The following ZFYVE1 variants were observed in gnomAD, a reference collection of about 807,000 sequenced individuals.
ZFYVE1 encodes the protein zinc finger FYVE domain-containing protein 1.
ZFYVE1 carries 30 observed loss-of-function variants against 74.4 expected under a neutral mutation model. The ratio of observed to expected loss-of-function variants is 0.40; its 90% confidence interval spans 0.30 to 0.55. The LOEUF (loss-of-function observed/expected upper bound fraction) is 0.55. Among genes scored for constraint, ZFYVE1 ranks in the 20% least tolerant of loss-of-function variants. ZFYVE1 has a pLI of 0.42. For synonymous variants in ZFYVE1, 335 were observed against 385.1 expected (o/e 0.87, Z 1.52); for missense variants, 703 against 1,011.6 (o/e 0.69, Z 4.14).
intron 2 of ZFYVE1, among the ~76,000 whole-genome samples, chr14:73,016,810 G>A: frequency 6.6e-6 from 1 of 150,742 alleles, no homozygotes; most frequent in Non-Finnish European, 1.5e-5. Context: ...GGAGTCAGAG[G>A]CTGCAGTGAA....
chr14:72,980,236 A>G (rs1893285437), intron 5 of ZFYVE1, among the ~76,000 whole-genome samples: 1 of 152,334 alleles, frequency 6.6e-6, no homozygotes, highest in South Asian at 2.1e-4. Context: ...GGTGGCCTAC[A>G]GGACTCAAAG....
At chr14:73,022,415 C>G (rs913690572) in intron 2 of ZFYVE1, among the ~76,000 whole-genome samples, 6 of 152,090 alleles carry the variant, frequency 3.9e-5, no homozygotes, top group Non-Finnish European at 8.8e-5. Flanking sequence ...AAACTGGAAA[C>G]CTAAGGAGTC....
Position 72,975,818 on chromosome 14 carries a change from A to C in ZFYVE1, c.1636-97T>G. The C allele has an allele frequency of 1.4e-6, 2 of 1,380,348 alleles. No homozygotes were observed. The highest frequency in any genetic ancestry group is 2.0e-6 in the Non-Finnish European group (2 of 1,002,404). 85.5% of individuals were successfully genotyped at this position (1,380,348 alleles called of 1,614,324 possible). A position where few individuals can be genotyped will look rare whatever the true frequency, so the allele number is the denominator to read the frequency against. ...GTGAGTTGCACACTCACCGTGGCCA[A>C]CTCAGAACCACTAACTCCCTGGCAG... On this transcript the variant is annotated intron_variant, in intron 8 of 11. Coordinates refer to ENST00000556143, the MANE Select transcript of ZFYVE1 (RefSeq NM_021260.4). The surrounding 1 kb of genome is among the most constrained non-coding windows in gnomAD (Gnocchi z 4.1).
intron 3 of ZFYVE1, among the ~76,000 whole-genome samples, chr14:72,995,244 A>G (rs1052153648): frequency 6.6e-6 from 1 of 151,966 alleles, no homozygotes; most frequent in African/African-American, 2.4e-5. Context: ...ACAGGTGCCC[A>G]CCACCATACA....
chr14:73,001,029 G>A (rs1259927350), intron 2 of ZFYVE1, among the ~76,000 whole-genome samples: 1 of 152,202 alleles, frequency 6.6e-6, no homozygotes, highest in Non-Finnish European at 1.5e-5. Context: ...TTTCTGTCAT[G>A]ACTGTGCCAC....
chr14:73,012,922 G>T (rs1348650999), intron 2 of ZFYVE1, among the ~76,000 whole-genome samples: 3 of 151,908 alleles, frequency 2.0e-5, no homozygotes, highest in Non-Finnish European at 4.4e-5. Flanking sequence ...AGACAGAAGG[G>T]ATTGAGCTAG....
intron 5 of ZFYVE1, among the ~76,000 whole-genome samples, chr14:72,981,144 T>G (rs1307564588): frequency 6.6e-6 from 1 of 152,198 alleles, no homozygotes; most frequent in Non-Finnish European, 1.5e-5. Context: ...AATTGAAGTT[T>G]CGGAAGCACT....
intron 3 of ZFYVE1, among the ~76,000 whole-genome samples, chr14:72,995,285 C>G (rs1179265609): frequency 1.3e-5 from 2 of 152,100 alleles, no homozygotes; most frequent in Non-Finnish European, 2.9e-5. Flanking sequence ...TTAGTAGAGA[C>G]AGGGTTTCAC....
chr14:72,998,781 T>C (rs1248172940), intron 2 of ZFYVE1, among the ~76,000 whole-genome samples: 1 of 150,928 alleles, frequency 6.6e-6, no homozygotes, highest in Non-Finnish European at 1.5e-5. Flanking sequence ...AGCCCAGAAG[T>C]TTGAGGCTGC....
chr14:72,978,250 C>T lies in ZFYVE1; in HGVS notation c.1420-16G>A, dbSNP rs757367775. ...CATAGCAGGCCTGAAACAGGAAACA[C>T]TCTGCTAGCTTATTGTTTGTTTTTT... On this transcript the variant is annotated splice_polypyrimidine_tract_variant and intron_variant, in intron 6 of 11. Transcript: ENST00000556143. The T allele has an allele frequency of 1.2e-6, 2 of 1,610,744 alleles. No individual in the cohort carries two copies. Among genetic ancestry groups the T allele is most frequent in the Non-Finnish European group, 1.7e-6 (2 of 1,177,286 alleles).
chr14:72,972,524 C>G (rs1167939904), intron 11 of ZFYVE1, among the ~76,000 whole-genome samples: 3 of 152,188 alleles, frequency 2.0e-5, no homozygotes, highest in Non-Finnish European at 4.4e-5. Flanking sequence ...ATGAGGAAAT[C>G]TGCTCCAGGC....
At chr14:73,025,308 A>ATCCC (rs1319639120) in intron 1 of ZFYVE1, among the ~76,000 whole-genome samples, 1 of 151,814 alleles carries the variant, frequency 6.6e-6, no homozygotes, top group Non-Finnish European at 1.5e-5. Flanking sequence ...ACCCCAGGTG[A>ATCCC]TCTGCCCGCC....
chr14:73,011,585 T>C (rs1894092606), intron 2 of ZFYVE1, among the ~76,000 whole-genome samples: 2 of 151,752 alleles, frequency 1.3e-5, no homozygotes, highest in African/African-American at 4.8e-5. Flanking sequence ...AGTGGCATGA[T>C]CTTGGCTCAC....
In ZFYVE1 at chr14:72,998,328, A is replaced by AAC. The variant is rs1291802579; in HGVS notation, c.484-14_484-13insGT. The AAC allele has an allele frequency of 6.6e-7, 1 of 1,509,610 alleles. No individual in the cohort carries two copies. Among genetic ancestry groups the AAC allele is most frequent in the African/African-American group, 1.4e-5 (1 of 71,642 alleles). The allele number at this position is 1,509,610 out of a possible 1,614,324, so 93.5% of individuals were successfully genotyped here. A position where few individuals can be genotyped will look rare whatever the true frequency, so the allele number is the denominator to read the frequency against. ...CTTCATTTGTTACCTGCAAAAAAAA[A>AAC]AAAAAAGACCATGAAATACAGAAAC... is the stretch of plus-strand genomic sequence containing the variant. On this transcript the variant is annotated splice_polypyrimidine_tract_variant and intron_variant, in intron 2 of 11. Transcript: ENST00000556143.
At chr14:72,992,319 A>G (rs990156890) in intron 4 of ZFYVE1, among the ~76,000 whole-genome samples, 3 of 152,172 alleles carry the variant, frequency 2.0e-5, no homozygotes, top group African/African-American at 7.2e-5. Flanking sequence ...GAGAGGCAGT[A>G]CAGGCTTTGT....
Position 72,975,949 on chromosome 14 carries a change from A to C in ZFYVE1, c.1636-228T>G. The C allele has an allele frequency of 2.0e-6, 1 of 491,640 alleles. No homozygotes were observed. The highest frequency in any genetic ancestry group is 3.5e-6 in the Non-Finnish European group (1 of 283,178). The allele number at this position is 491,640 out of a possible 1,614,324, so 30.5% of individuals were successfully genotyped here. A position where few individuals can be genotyped will look rare whatever the true frequency, so the allele number is the denominator to read the frequency against. On this transcript the variant is annotated intron_variant, in intron 8 of 11. Transcript: ENST00000556143. This position sits in a 1 kb window ranked among gnomAD's most constrained non-coding sequence, Gnocchi z 4.1. Reference sequence around the variant, plus strand: ...ATTCAGGACTTACTAAGCCCATATAATACAGGAGATGACACCTCCTCCAGG... The same window carrying C: ...ATTCAGGACTTACTAAGCCCATATACTACAGGAGATGACACCTCCTCCAGG...
At position 72,988,571 on chromosome 14, in the gene ZFYVE1, C is replaced by T. The variant is rs191242249; in HGVS notation, c.1203+4572G>A. 5.3e-3 allele frequency among the ~76,000 whole-genome samples: 794 copies of T among 150,868 alleles called. 8 individuals carry two copies. Among genetic ancestry groups the T allele is most frequent in the South Asian group, 0.016 (73 of 4,666 alleles). On this transcript the variant is annotated intron_variant, in intron 4 of 11. Transcript: ENST00000556143. ...CCTGTAATCCCAACATTTTGGGAGG[C>T]GGAGGTGGGCGGGTCACCTGAGGTC... is the stretch of plus-strand genomic sequence containing the variant.
rs1892984340 is a variant in ZFYVE1, at chr14:72,969,843, A to G, written c.*1039T>C. On this transcript the variant is annotated 3_prime_UTR_variant, in exon 12 of 12. Transcript: ENST00000556143. ...TTCTTTACGATCTGTTGAAATATTT[A>G]TATAGACTTTTAAAAACAACTAACA... 1.5e-6 allele frequency: 1 copy of G among 659,372 alleles called. No homozygotes were observed. Among genetic ancestry groups the G allele is most frequent in the South Asian group, 1.7e-5 (1 of 59,656 alleles). The allele number at this position is 659,372 out of a possible 1,614,324, so 40.8% of individuals were successfully genotyped here.
At chr14:73,008,191 CT>C (rs1894019827) in intron 2 of ZFYVE1, among the ~76,000 whole-genome samples, 2 of 152,180 alleles carry the variant, frequency 1.3e-5, no homozygotes, top group Admixed American at 6.5e-5. Flanking sequence ...CGGAGTTTCA[CT>C]CTTGTTGCCC....
Sources: allele counts gnomAD v4.1 joint callset (sites outside exome capture counted in the v4.1 genomes callset), GRCh38; gene constraint gnomAD v4.1.1; non-coding constraint Gnocchi (gnomAD v3.1); transcripts MANE v1.5; gene names NCBI Gene and HGNC (gene_info 2026-07-23, HGNC 2026-07-21).